ISLR2: variants seen among roughly 807,000 people sequenced by gnomAD.
The protein encoded by ISLR2 is immunoglobulin superfamily containing leucine rich repeat 2, also known as immunoglobulin superfamily containing leucine-rich repeat protein 2.
In ISLR2, 16 loss-of-function variants were observed where a neutral mutation model predicts 25.5. The ratio of observed to expected loss-of-function variants is 0.63; its 90% CI spans 0.43 to 0.95. The LOEUF (loss-of-function observed/expected upper bound fraction) is 0.95, where lower values mean the gene tolerates loss of function less well. Ranked by LOEUF, ISLR2 falls within the 40% of genes least tolerant of loss-of-function variation. The probability of loss-of-function intolerance (pLI) is 0.00; values close to 1 mark genes in which losing one functional copy is unlikely to be tolerated. For synonymous variants in ISLR2, 508 were observed against 486.6 expected (o/e 1.04, Z -0.58); for missense variants, 883 against 1,030.7 (o/e 0.86, Z 1.96).
At chr15:74,109,555 G>T (rs1447357767) in intron 2 of ISLR2, among the ~76,000 whole-genome samples, 1 of 152,194 alleles carries the variant, frequency 6.6e-6, no homozygotes, top group Non-Finnish European at 1.5e-5. Flanking sequence ...GAGGATTTTA[G>T]GCGATACGGG....
At position 74,134,712 on chromosome 15, in the gene ISLR2, A is replaced by C. The variant is rs1202219049; in HGVS notation, c.1958A>C (p.Glu653Ala). Reference sequence around the variant, plus strand: ...TTCGACCCGCGTGCTTCGTACCTCGAGTCCGAGAAAAGCTACCCGGCAGGC... The same window carrying C: ...TTCGACCCGCGTGCTTCGTACCTCGCGTCCGAGAAAAGCTACCCGGCAGGC... Reference protein sequence around the residue: ...ADFDPRASYLESEKSYPAGGE... With the variant: ...ADFDPRASYLASEKSYPAGGE... Residue 653 changes from glutamate to alanine, a missense_variant, in exon 3 of 3, where the codon GAG (glutamate) becomes GCG (alanine). Glu to Ala is a moderately radical substitution (Grantham distance 107). Transcript: ENST00000453268. The C allele has an allele frequency of 6.2e-7, 1 of 1,613,960 alleles. No individual in the cohort carries two copies. Among genetic ancestry groups the C allele is most frequent in the Non-Finnish European group, 8.5e-7 (1 of 1,180,008 alleles).
At chr15:74,121,216 C>T (rs941177927) in intron 2 of ISLR2, among the ~76,000 whole-genome samples, 12 of 152,274 alleles carry the variant, frequency 7.9e-5, no homozygotes, top group African/African-American at 2.9e-4. Flanking sequence ...CTGCACGGGG[C>T]TACCAGACAG....
chr15:74,133,698 A>T lies in ISLR2; in HGVS notation c.944A>T (p.Gln315Leu). ...GATTTGCTGACGCAGACCCAAGCCCAAACGCCGACTCCAGCACCCGCTTGG... is the reference window on the plus strand; with the variant it reads ...GATTTGCTGACGCAGACCCAAGCCCTAACGCCGACTCCAGCACCCGCTTGG... ...DGDLLTQTQA[Q>L]TPTPAPAWPA... is the part of the protein sequence containing the mutation. The change falls in exon 3 of 3, where the codon CAA becomes CTA. Residue 315 changes from glutamine (Q) to leucine (L), a missense_variant. Gln to Leu is a moderately radical substitution (Grantham distance 113, BLOSUM62 -2). This residue lies in a region of ISLR2 where 612 missense variants were observed against 642.8 expected (regional missense o/e 0.95). Transcript: ENST00000453268. 6.2e-7 allele frequency: 1 copy of T among 1,608,094 alleles called. No individual in the cohort carries two copies. The highest frequency in any genetic ancestry group is 8.5e-7 in the Non-Finnish European group (1 of 1,177,246).
upstream of ISLR2, chr15:74,127,926 T>TG (rs1371969527): frequency 2.5e-5 from 4 of 157,242 alleles, no homozygotes; most frequent in South Asian, 7.7e-4. Context: ...AGCCTTAGTC[T>TG]GGATTCGGCA....
intron 2 of ISLR2, among the ~76,000 whole-genome samples, chr15:74,107,972 T>G (rs1027570336): frequency 2.0e-5 from 3 of 151,890 alleles, no homozygotes; most frequent in African/African-American, 7.3e-5. Context: ...CACAAGGAGG[T>G]TGAGGTAAAC....
downstream of ISLR2, among the ~76,000 whole-genome samples, chr15:74,140,481 G>C (rs888247084): frequency 6.6e-6 from 1 of 152,150 alleles, no homozygotes; most frequent in African/African-American, 2.4e-5. Flanking sequence ...TAGGGAAAAA[G>C]GGACCTGCTC....
upstream of ISLR2, among the ~76,000 whole-genome samples, chr15:74,125,062 C>G (rs982955296): frequency 1.3e-5 from 2 of 152,236 alleles, no homozygotes; most frequent in African/African-American, 2.4e-5. Context: ...CCCCACTCCC[C>G]TGCCTCACCC....
rs9806292 is a variant in ISLR2, at chr15:74,122,528, C to T, written n.229-8679C>T. 9.3e-3 allele frequency among the ~76,000 whole-genome samples: 1,424 copies of T among 152,356 alleles called. 22 individuals are homozygous for T. The highest frequency in any genetic ancestry group is 0.032 in the African/African-American group (1,344 of 41,576). ...TCCTGGGATCAGTCCAACATTGAGA[C>T]TGTGCCTGAAATCACACCTTTGCTT... On this transcript the variant is annotated intron_variant and non_coding_transcript_variant, in intron 2 of 3. Coordinates refer to the ISLR2 transcript ENST00000561975.
intron 1 of ISLR2, among the ~76,000 whole-genome samples, chr15:74,102,292 T>C (rs1164028792): frequency 8.5e-6 from 1 of 117,444 alleles, no homozygotes; most frequent in African/African-American, 3.3e-5. Flanking sequence ...ATGGATAGTT[T>C]TGGGACCATT....
chr15:74,102,107 CCT>C (rs2072085025), intron 1 of ISLR2, among the ~76,000 whole-genome samples: 1 of 145,826 alleles, frequency 6.9e-6, no homozygotes, highest in Non-Finnish European at 1.5e-5. Flanking sequence ...GTAATCCCAG[CCT>C]CAGGAGACTG....
chr15:74,123,115 A>G (rs1466206189), intron 2 of ISLR2, among the ~76,000 whole-genome samples: 1 of 151,992 alleles, frequency 6.6e-6, no homozygotes, highest in Non-Finnish European at 1.5e-5. Context: ...GAATCTTGCT[A>G]TGGAAAGAGC....
rs549389939 is a variant in ISLR2 at position 74,118,800 on chromosome 15, G to A, written n.229-12407G>A. Reference sequence around the variant, plus strand: ...AGCCTCCCAAATAGCTGGGACTACAGGTGTCCGCTACCATGCCCGGCTAAT... The same window carrying A: ...AGCCTCCCAAATAGCTGGGACTACAAGTGTCCGCTACCATGCCCGGCTAAT... On this transcript the variant is annotated intron_variant and non_coding_transcript_variant, in intron 2 of 3. Coordinates refer to the ISLR2 transcript ENST00000561975. Among the ~76,000 whole-genome samples the A allele has an allele frequency of 3.3e-5, 5 of 152,058 alleles. No individual in the cohort carries two copies. In the South Asian group the frequency reaches 8.3e-4, roughly 25 times the overall value.
chr15:74,114,199 C>G lies in ISLR2; in HGVS notation n.228+10285C>G, dbSNP rs1264748458. Reference sequence around the variant, plus strand: ...GATTGTACCTGGAACTGCCTATTGCCCAATGGCTGAAGACAATTTCTTCAT... The same window carrying G: ...GATTGTACCTGGAACTGCCTATTGCGCAATGGCTGAAGACAATTTCTTCAT... On this transcript the variant is annotated intron_variant and non_coding_transcript_variant, in intron 2 of 3. Coordinates refer to the ISLR2 transcript ENST00000561975. Among the ~76,000 whole-genome samples the G allele has an allele frequency of 2.0e-5, 3 of 152,168 alleles. No homozygotes were observed. In the East Asian group the frequency reaches 5.8e-4, roughly 29 times the overall value.
chr15:74,127,497 T>C (rs2072313699), upstream of ISLR2: 1 of 152,222 alleles, frequency 6.6e-6, no homozygotes, highest in Admixed American at 6.5e-5. Flanking sequence ...GGACCAGAGG[T>C]TGCTGATACC....
At chr15:74,120,521 CAAAAAAA>C (rs61636299) in intron 2 of ISLR2, among the ~76,000 whole-genome samples, 2 of 47,470 alleles carry the variant, frequency 4.2e-5, no homozygotes, top group Admixed American at 4.5e-4. Flanking sequence ...GACTCCATCT[CAAAAAAA>C]AAAAAAAAAA....
chr15:74,132,161 G>C lies in ISLR2; in HGVS notation c.-8-586G>C, dbSNP rs1036864377. Among the ~76,000 whole-genome samples, 2 of 152,158 alleles carry C rather than the reference G, an allele frequency of 1.3e-5. No individual in the cohort carries two copies. The highest frequency in any genetic ancestry group is 2.4e-5 in the African/African-American group (1 of 41,428). Reference sequence around the variant, plus strand: ...GCAGGGTCTATTGTGTCCATGTCTGGGTGCATATGTGTTTGTGAGTTTAGG... The same window carrying C: ...GCAGGGTCTATTGTGTCCATGTCTGCGTGCATATGTGTTTGTGAGTTTAGG... On this transcript the variant is annotated intron_variant, in intron 2 of 2. Transcript: ENST00000453268. The surrounding 1 kb of genome is among the most constrained non-coding windows in gnomAD (Gnocchi z 4.3).
At chr15:74,105,904 G>C (rs1056900045) in intron 2 of ISLR2, among the ~76,000 whole-genome samples, 1 of 152,104 alleles carries the variant, frequency 6.6e-6, no homozygotes. Flanking sequence ...GCCACATACT[G>C]TAATGTGCGG....
chr15:74,108,331 ACCAGGTGGCCAAT>A (rs779116642), intron 2 of ISLR2, among the ~76,000 whole-genome samples: 2 of 152,148 alleles, frequency 1.3e-5, no homozygotes, highest in Non-Finnish European at 2.9e-5. Flanking sequence ...CTTGGACTGG[ACCAGGTGGCCAAT>A]CCAAACAAGT....
intron 1 of ISLR2, among the ~76,000 whole-genome samples, chr15:74,102,786 C>T (rs1328295220): frequency 6.6e-6 from 1 of 151,632 alleles, no homozygotes; most frequent in Non-Finnish European, 1.5e-5. Context: ...AGATAACTCC[C>T]AAAGATGACA....
Sources: gnomAD v4.1 joint callset for allele counts (sites outside exome capture counted in the v4.1 genomes callset) on GRCh38, gnomAD v4.1.1 for gene constraint, gnomAD v4.1.1 regional missense constraint, Gnocchi (gnomAD v3.1) non-coding constraint, MANE v1.5 for transcripts, NCBI Gene and HGNC (gene_info 2026-07-23, HGNC 2026-07-21) for gene names.